Variants in MCC observed in about 807,000 individuals in gnomAD.
MCC encodes colorectal mutant cancer protein.
In MCC, 90 loss-of-function variants were observed where a neutral mutation model predicts 116.2. That is an observed-to-expected ratio of 0.77 (90% confidence interval 0.65 to 0.92). The LOEUF (loss-of-function observed/expected upper bound fraction) is 0.92, where lower values mean the gene tolerates loss of function less well. MCC is among the 40% of genes least tolerant of loss of function. MCC has a pLI of 0.00. For synonymous variants in MCC, 578 were observed against 510.5 expected (o/e 1.13, Z -1.78); for missense variants, 1,516 against 1,312.2 (o/e 1.16, Z -2.40).
intron 5 of MCC, among the ~76,000 whole-genome samples, chr5:113,130,467 A>T (rs1020713362): frequency 1.3e-5 from 2 of 152,152 alleles, no homozygotes; most frequent in Non-Finnish European, 2.9e-5. Flanking sequence ...CCCAGAACTT[A>T]GGTATAATTA....
intron 3 of MCC, among the ~76,000 whole-genome samples, chr5:113,160,224 TC>T (rs1233432348): frequency 1.3e-5 from 2 of 152,096 alleles, no homozygotes; most frequent in Non-Finnish European, 2.9e-5. Flanking sequence ...AAGCCACACC[TC>T]CCCTTCTTCA....
chr5:113,072,498 T>C (rs1473605716), intron 11 of MCC, among the ~76,000 whole-genome samples: 1 of 152,190 alleles, frequency 6.6e-6, no homozygotes, highest in East Asian at 1.9e-4. Flanking sequence ...TAGACCTCCA[T>C]GTAGCCAAGC....
intron 8 of MCC, among the ~76,000 whole-genome samples, chr5:113,090,408 C>T (rs1755526322): frequency 6.6e-6 from 1 of 151,158 alleles, no homozygotes; most frequent in South Asian, 2.1e-4. Context: ...CAGTTGAGCT[C>T]TCTTTGAAGA....
intron 3 of MCC, among the ~76,000 whole-genome samples, chr5:113,224,704 G>A (rs965122257): frequency 6.6e-6 from 1 of 152,160 alleles, no homozygotes; most frequent in Non-Finnish European, 1.5e-5. Context: ...CAACTGAAAG[G>A]TCAGGAAAAG....
At chr5:113,196,161 T>C (rs1157065580) in intron 3 of MCC, among the ~76,000 whole-genome samples, 1 of 152,228 alleles carries the variant, frequency 6.6e-6, no homozygotes, top group African/African-American at 2.4e-5. Flanking sequence ...ATGGGTGAGA[T>C]ACCGTAAGTA....
chr5:113,112,648 C>A (rs1257785800), intron 6 of MCC, among the ~76,000 whole-genome samples: 5 of 152,184 alleles, frequency 3.3e-5, no homozygotes, highest in Admixed American at 1.3e-4. Flanking sequence ...TTCCAGGAAG[C>A]CTTCCCAGCC....
chr5:113,465,494 A>T (rs1330348928), intron 1 of MCC, among the ~76,000 whole-genome samples: 1 of 152,178 alleles, frequency 6.6e-6, no homozygotes, highest in Non-Finnish European at 1.5e-5. Flanking sequence ...ACGCAAAAGG[A>T]AAAAGTGAAG....
Position 113,434,780 on chromosome 5 carries a change from C to A in MCC, c.171-49568G>T. On this transcript the variant is annotated intron_variant, in intron 1 of 18. Transcript: ENST00000408903. This position sits in a 1 kb window ranked among gnomAD's most constrained non-coding sequence, Gnocchi z 4.2. ...CAGATTTTACTTTTGCATAGGAGCC[C>A]TCTCCTAAATTTATCCCCAGGAGGT... 1 of 1,613,888 alleles carries A rather than the reference C, an allele frequency of 6.2e-7. No individual in the cohort carries two copies. Among genetic ancestry groups the A allele is most frequent in the Non-Finnish European group, 8.5e-7 (1 of 1,179,814 alleles).
rs528336423 is a variant in MCC, at chr5:113,054,523, G to A, written c.2214-564C>T. 1.2e-4 allele frequency among the ~76,000 whole-genome samples: 19 copies of A among 152,364 alleles called. No individual in the cohort carries two copies. The East Asian group carries it at 2.1e-3, about 17-fold the overall frequency. On this transcript the variant is annotated intron_variant, in intron 14 of 18. Coordinates refer to ENST00000408903, the MANE Select transcript of MCC (RefSeq NM_001085377.2). Reference sequence around the variant, plus strand: ...GCGTGTCACACCCTCGCACGTGTACGCAGGTGTCCCAGGCTGTGGCAGCCG... The same window carrying A: ...GCGTGTCACACCCTCGCACGTGTACACAGGTGTCCCAGGCTGTGGCAGCCG...
At chr5:113,372,508 T>A (rs931671597) in intron 2 of MCC, among the ~76,000 whole-genome samples, 1 of 152,226 alleles carries the variant, frequency 6.6e-6, no homozygotes, top group Non-Finnish European at 1.5e-5. Flanking sequence ...GTTTAAAAAA[T>A]ATATATATTG....
intron 3 of MCC, among the ~76,000 whole-genome samples, chr5:113,263,908 C>T (rs1045279588): frequency 1.3e-5 from 2 of 151,452 alleles, no homozygotes; most frequent in African/African-American, 2.4e-5. Flanking sequence ...AAACCAGTGG[C>T]CTTATATCTA....
At chr5:113,439,198 C>G (rs1770955292) in intron 1 of MCC, among the ~76,000 whole-genome samples, 1 of 152,196 alleles carries the variant, frequency 6.6e-6, no homozygotes, top group Non-Finnish European at 1.5e-5. Context: ...ACCAGTTAGG[C>G]AGGCCAAAGC....
At chr5:113,201,670 T>G (rs1203373811) in intron 3 of MCC, among the ~76,000 whole-genome samples, 1 of 152,238 alleles carries the variant, frequency 6.6e-6, no homozygotes. Context: ...AGATTTTATG[T>G]CAAGCCTTGA....
At chr5:113,193,797 C>CTA (rs1456000498) in intron 3 of MCC, among the ~76,000 whole-genome samples, 1 of 152,190 alleles carries the variant, frequency 6.6e-6, no homozygotes, top group Non-Finnish European at 1.5e-5. Flanking sequence ...ACACCTAAGT[C>CTA]TATAGTCCAG....
intron 1 of MCC, among the ~76,000 whole-genome samples, chr5:113,475,056 C>T (rs1772202043): frequency 1.3e-5 from 2 of 152,190 alleles, no homozygotes; most frequent in Admixed American, 1.3e-4. Context: ...AAATGCTTCC[C>T]TTCACCCCAT....
chr5:113,125,025 G>A (rs1757964019), intron 5 of MCC, among the ~76,000 whole-genome samples: 1 of 152,192 alleles, frequency 6.6e-6, no homozygotes, highest in South Asian at 2.1e-4. Flanking sequence ...AGAGGAGCTG[G>A]GAACGTGCAG....
intron 5 of MCC, among the ~76,000 whole-genome samples, chr5:113,137,365 T>G (rs1758902129): frequency 6.6e-6 from 1 of 152,196 alleles, no homozygotes; most frequent in Non-Finnish European, 1.5e-5. Context: ...AGCCAAACCA[T>G]ATCAATATGT....
intron 3 of MCC, among the ~76,000 whole-genome samples, chr5:113,304,554 T>G (rs1299922632): frequency 2.6e-5 from 4 of 152,220 alleles, no homozygotes; most frequent in Non-Finnish European, 1.5e-5. Flanking sequence ...CACTACTTTA[T>G]GCAAGCATCA....
At chr5:113,205,976 G>T (rs534715123) in intron 3 of MCC, among the ~76,000 whole-genome samples, 1 of 152,206 alleles carries the variant, frequency 6.6e-6, no homozygotes, top group Non-Finnish European at 1.5e-5. Context: ...GCCCCTTTGT[G>T]AGCATGGTGA....
Sources: allele counts gnomAD v4.1 joint callset (sites outside exome capture counted in the v4.1 genomes callset), GRCh38; gene constraint gnomAD v4.1.1; non-coding constraint Gnocchi (gnomAD v3.1); transcripts MANE v1.5; gene names NCBI Gene and HGNC (gene_info 2026-07-23, HGNC 2026-07-21).